The following NSMCE2 variants were observed in gnomAD, a reference collection of about 807,000 sequenced individuals.
NSMCE2 encodes the protein NSE2 SUMO ligase component of SMC5/6 complex.
In NSMCE2, 24 loss-of-function variants were observed where a neutral mutation model predicts 23.8. The ratio of observed to expected loss-of-function variants is 1.01; its 90% CI spans 0.73 to 1.42. The LOEUF (loss-of-function observed/expected upper bound fraction) is 1.42. NSMCE2 is among the 40% of genes most tolerant of loss of function. The pLI is 0.00. For missense variants in NSMCE2, 284 were observed against 296.5 expected (o/e 0.96, Z 0.31); for synonymous variants, 92 against 94.1 (o/e 0.98, Z 0.13).
At chr8:125,272,748 T>TACACACGTATATATATATACAC (rs1554629617) in intron 5 of NSMCE2, among the ~76,000 whole-genome samples, 2 of 140,860 alleles carry the variant, frequency 1.4e-5, no homozygotes, top group South Asian at 4.3e-4. Flanking sequence ...CACATATATA[T>TACACACGTATATATATATACAC]ACACACGTAT....
At position 125,309,590 on chromosome 8, in the gene NSMCE2, T is replaced by C. The variant is rs955139696; in HGVS notation, c.419-47629T>C. ...AATCAAAATAATTAGCCAGGCGTGG[T>C]GGCACATGCTTGCAGTCCCAGCTAC... On this transcript the variant is annotated intron_variant, in intron 5 of 7. Transcript: ENST00000287437. Among the ~76,000 whole-genome samples, 3 of 152,216 alleles carry C rather than the reference T, an allele frequency of 2.0e-5. No individual in the cohort carries two copies. The East Asian group carries it at 5.8e-4, about 29-fold the overall frequency.
intron 4 of NSMCE2, among the ~76,000 whole-genome samples, chr8:125,171,011 A>G (rs952048893): frequency 6.6e-6 from 1 of 152,164 alleles, no homozygotes; most frequent in African/African-American, 2.4e-5. Flanking sequence ...GCTTTGATTA[A>G]TACTACTGAC....
chr8:125,142,434 G>A (rs1820425397), intron 3 of NSMCE2, among the ~76,000 whole-genome samples: 1 of 152,084 alleles, frequency 6.6e-6, no homozygotes, highest in Admixed American at 6.6e-5. Context: ...CGATGATGAG[G>A]GAATTGTGTT....
At position 125,182,119 on chromosome 8, in the gene NSMCE2, C is replaced by T; in HGVS notation, c.281C>T (p.Pro94Leu). 6.3e-7 allele frequency: 1 copy of T among 1,595,028 alleles called. No individual in the cohort carries two copies. The highest frequency in any genetic ancestry group is 1.2e-5 in the South Asian group (1 of 86,864). ...STINHVKEER[P>L]EKIPDLKLLV... Reference sequence around the variant, plus strand: ...CTCCCTTAGGTGAAAGAAGAACGTCCAGAAAAAATACCAGATTTAAAATTA... The same window carrying T: ...CTCCCTTAGGTGAAAGAAGAACGTCTAGAAAAAATACCAGATTTAAAATTA... The change falls in exon 5 of 8, where the codon CCA (proline) becomes CTA (leucine). Residue 94 changes from proline (P) to leucine (L), a missense_variant. Physicochemically the swap from Pro to Leu is moderately conservative, Grantham distance 98. Coordinates refer to ENST00000287437, the MANE Select transcript of NSMCE2 (RefSeq NM_173685.4).
chr8:125,345,095 G>A (rs1429049604), intron 5 of NSMCE2, among the ~76,000 whole-genome samples: 1 of 152,112 alleles, frequency 6.6e-6, no homozygotes, highest in Non-Finnish European at 1.5e-5. Context: ...ACTTTTCTGG[G>A]GACATAGATG....
chr8:125,265,343 T>G (rs1236765105), intron 5 of NSMCE2, among the ~76,000 whole-genome samples: 2 of 151,904 alleles, frequency 1.3e-5, no homozygotes, highest in Non-Finnish European at 2.9e-5. Flanking sequence ...TACCTCAGCC[T>G]CCCAAGTAGC....
chr8:125,103,983 TTTG>T (rs928787700), intron 3 of NSMCE2, among the ~76,000 whole-genome samples: 1 of 151,244 alleles, frequency 6.6e-6, no homozygotes, highest in African/African-American at 2.4e-5. Context: ...GTGTTTGGAT[TTTG>T]TTGTCTTTTT....
intron 5 of NSMCE2, among the ~76,000 whole-genome samples, chr8:125,214,127 T>A (rs1215313463): frequency 6.6e-6 from 1 of 152,202 alleles, no homozygotes; most frequent in African/African-American, 2.4e-5. Flanking sequence ...CCCTAAGTAC[T>A]CTTCCCATTT....
At chr8:125,255,602 C>T (rs1456012488) in intron 5 of NSMCE2, among the ~76,000 whole-genome samples, 11 of 152,058 alleles carry the variant, frequency 7.2e-5, no homozygotes, top group Admixed American at 6.5e-4. Context: ...ATTATGAGCA[C>T]TTAGGTGTTG....
intron 3 of NSMCE2, among the ~76,000 whole-genome samples, chr8:125,125,239 A>AT (rs1322586773): frequency 5.3e-5 from 8 of 152,222 alleles, no homozygotes; most frequent in Admixed American, 3.9e-4. Flanking sequence ...AAGAGCATAC[A>AT]TCCTTTTTAC....
intron 3 of NSMCE2, among the ~76,000 whole-genome samples, chr8:125,106,237 A>G (rs942908608): frequency 6.6e-6 from 1 of 152,232 alleles, no homozygotes; most frequent in African/African-American, 2.4e-5. Flanking sequence ...ACAAACACAT[A>G]TTAAAATACT....
chr8:125,195,567 C>T lies in NSMCE2; in HGVS notation c.418+13311C>T, dbSNP rs140473172. On this transcript the variant is annotated intron_variant, in intron 5 of 7. Transcript: ENST00000287437. Reference sequence around the variant, plus strand: ...TTCATTTACCCATATCTCAGAGCCTCATTTTGAAACTCGATGTTGTACTTA... The same window carrying T: ...TTCATTTACCCATATCTCAGAGCCTTATTTTGAAACTCGATGTTGTACTTA... 3.9e-3 allele frequency among the ~76,000 whole-genome samples: 593 copies of T among 152,262 alleles called. 2 individuals are homozygous for T. The highest frequency in any genetic ancestry group is 6.2e-3 in the Non-Finnish European group (419 of 68,022).
intron 5 of NSMCE2, chr8:125,351,233 A>G (rs1258195113): frequency 2.0e-5 from 3 of 152,180 alleles, no homozygotes; most frequent in African/African-American, 7.2e-5. Context: ...GGTCCAATCA[A>G]TGCCCTCATG....
intron 4 of NSMCE2, among the ~76,000 whole-genome samples, chr8:125,164,730 A>C (rs1242549119): frequency 6.6e-6 from 1 of 152,214 alleles, no homozygotes; most frequent in Non-Finnish European, 1.5e-5. Context: ...AAGGAATTTT[A>C]GGAATTTAAA....
intron 3 of NSMCE2, among the ~76,000 whole-genome samples, chr8:125,105,720 C>A (rs1377607753): frequency 1.3e-5 from 2 of 152,136 alleles, no homozygotes; most frequent in Non-Finnish European, 2.9e-5. Context: ...ATGGGCATGG[C>A]TGTGGTCTTA....
rs1392639116 is a variant in NSMCE2, at chr8:125,160,392, A to C, written c.264+9115A>C. 3.3e-5 allele frequency among the ~76,000 whole-genome samples: 5 copies of C among 152,310 alleles called. No homozygotes were observed. In the East Asian group the frequency reaches 7.7e-4, roughly 24 times the overall value. Reference sequence around the variant, plus strand: ...AGAGTAGAGTGGGCAGCAGGAAACCATCGGGAAAGGCTAGAGATGATGTTC... The same window carrying C: ...AGAGTAGAGTGGGCAGCAGGAAACCCTCGGGAAAGGCTAGAGATGATGTTC... On this transcript the variant is annotated intron_variant, in intron 4 of 7. Transcript: ENST00000287437.
At chr8:125,121,751 TATTC>T (rs1452598011) in intron 3 of NSMCE2, among the ~76,000 whole-genome samples, 2 of 152,176 alleles carry the variant, frequency 1.3e-5, no homozygotes, top group African/African-American at 4.8e-5. Context: ...GCCTTATGTG[TATTC>T]ATTCATTTAA....
rs555061155 is a variant in NSMCE2, at chr8:125,340,019, T to G, written c.419-17200T>G. 4.3e-4 allele frequency among the ~76,000 whole-genome samples: 61 copies of G among 141,054 alleles called. 1 individual carries two copies. Among genetic ancestry groups the G allele is most frequent in the African/African-American group, 1.2e-3 (44 of 37,110 alleles). 92.5% of individuals were successfully genotyped at this position (141,054 alleles called of 152,430 possible). ...ACGTTGTAGTTTTTTTTTGTTTTTTTTTTTTTTTTTTTTGAGACGGAGTCT... is the reference window on the plus strand; with the variant it reads ...ACGTTGTAGTTTTTTTTTGTTTTTTGTTTTTTTTTTTTTGAGACGGAGTCT... On this transcript the variant is annotated intron_variant, in intron 5 of 7. Transcript: ENST00000287437.
chr8:125,267,555 G>A (rs116101289), intron 5 of NSMCE2, among the ~76,000 whole-genome samples: 177 of 152,306 alleles, frequency 1.2e-3, no homozygotes, highest in African/African-American at 4.0e-3. Flanking sequence ...GAAGGCTGAG[G>A]CGGGAGGATC....
Sources: gnomAD v4.1 joint callset for allele counts (sites outside exome capture counted in the v4.1 genomes callset) on GRCh38, gnomAD v4.1.1 for gene constraint, MANE v1.5 for transcripts, NCBI Gene and HGNC (gene_info 2026-07-23, HGNC 2026-07-21) for gene names.